Variants in SLC5A11 observed in about 807,000 individuals in gnomAD.
SLC5A11 encodes the protein sodium/myo-inositol cotransporter 2.
SLC5A11 carries 48 observed loss-of-function variants against 69.8 expected under a neutral mutation model. The ratio of observed to expected loss-of-function variants is 0.69; its 90% CI spans 0.55 to 0.87. The LOEUF (loss-of-function observed/expected upper bound fraction) is 0.87. Among genes scored for constraint, SLC5A11 ranks in the 40% least tolerant of loss-of-function variants. SLC5A11 has a pLI of 0.00. For missense variants in SLC5A11, 784 were observed against 866.1 expected, an observed-to-expected ratio of 0.91 and a Z score of 1.19; for synonymous variants, 319 against 342.4, an observed-to-expected ratio of 0.93 and a Z score of 0.75.
chr16:24,905,640 GCACACACACACACACACACACACA>G (rs56335988), intron 10 of SLC5A11, among the ~76,000 whole-genome samples: 2 of 136,698 alleles, frequency 1.5e-5, no homozygotes, highest in African/African-American at 5.6e-5. Flanking sequence ...GCGCGCGCGC[GCACACACACACACACACACACACA>G]CACACACACA....
chr16:24,879,136 G>T (rs1450059973), intron 7 of SLC5A11, among the ~76,000 whole-genome samples: 1 of 151,336 alleles, frequency 6.6e-6, no homozygotes, highest in Admixed American at 6.6e-5. Flanking sequence ...GGTTTTTTTT[G>T]GTTTTTTGTT....
At chr16:24,890,189 G>A (rs1440799500) in intron 8 of SLC5A11, among the ~76,000 whole-genome samples, 2 of 151,870 alleles carry the variant, frequency 1.3e-5, no homozygotes, top group Non-Finnish European at 2.9e-5. Context: ...TTTTAGGGAG[G>A]TAGTAAATTA....
At chr16:24,905,634 G>A (rs945579338) in intron 10 of SLC5A11, among the ~76,000 whole-genome samples, 6 of 76,840 alleles carry the variant, frequency 7.8e-5, no homozygotes, top group East Asian at 2.3e-4. Flanking sequence ...AAACACGCGC[G>A]CGCGCGCACA....
intron 14 of SLC5A11, 39 bp from the exon 16 acceptor site, chr16:24,910,267 C>A: frequency 1.2e-6 from 2 of 1,603,248 alleles, no homozygotes; most frequent in East Asian, 2.2e-5. Context: ...CCCGGCCCCA[C>A]CTCCACCACA....
chr16:24,852,964 C>A (rs111597373), intron 1 of SLC5A11, among the ~76,000 whole-genome samples: 2 of 149,812 alleles, frequency 1.3e-5, no homozygotes, highest in African/African-American at 4.9e-5. Context: ...GCATGGCACA[C>A]AGCTGGTGCC....
chr16:24,852,600 G>A (rs1232712642), intron 1 of SLC5A11, among the ~76,000 whole-genome samples: 4 of 152,178 alleles, frequency 2.6e-5, no homozygotes, highest in Non-Finnish European at 5.9e-5. Flanking sequence ...TCCTGAGGCA[G>A]CCTGGGAGCC....
At chr16:24,860,011 C>T (rs186742718) in intron 2 of SLC5A11, among the ~76,000 whole-genome samples, 114 of 152,098 alleles carry the variant, frequency 7.5e-4, no homozygotes, top group African/African-American at 2.5e-3. Context: ...TTAGGCCAGG[C>T]GCGGTGGCTC....
chr16:24,867,676 AGG>A (rs927465394), intron 3 of SLC5A11, among the ~76,000 whole-genome samples: 2 of 152,160 alleles, frequency 1.3e-5, no homozygotes, highest in African/African-American at 4.8e-5. Context: ...GAAATGAAAA[AGG>A]GGGAATTTCC....
intron 10 of SLC5A11, among the ~76,000 whole-genome samples, chr16:24,898,777 C>T (rs1367694765): frequency 6.6e-6 from 1 of 152,150 alleles, no homozygotes; most frequent in Non-Finnish European, 1.5e-5. Flanking sequence ...CTTGGCCTCC[C>T]AAAGTGCTGG....
chr16:24,850,475 G>C (rs2059252481), intron 1 of SLC5A11, among the ~76,000 whole-genome samples: 1 of 152,252 alleles, frequency 6.6e-6, no homozygotes, highest in South Asian at 2.1e-4. Context: ...TTGCTGCAGT[G>C]CAGCAGGCAG....
chr16:24,876,762 G>A (rs996466190), intron 6 of SLC5A11, among the ~76,000 whole-genome samples: 1 of 152,146 alleles, frequency 6.6e-6, no homozygotes, highest in Non-Finnish European at 1.5e-5. Context: ...TAGAGAAAGG[G>A]GATTGGCCCT....
At chr16:24,905,380 T>C (rs2049957724) in intron 10 of SLC5A11, among the ~76,000 whole-genome samples, 1 of 150,902 alleles carries the variant, frequency 6.6e-6, no homozygotes, top group South Asian at 2.1e-4. Context: ...GAAGAGGAAG[T>C]TGCAGTGAGC....
At position 24,876,253 on chromosome 16, in the gene SLC5A11, G is replaced by A. The variant is rs1487185036; in HGVS notation, c.477+522G>A. Among the ~76,000 whole-genome samples, 7 of 152,042 alleles carry A rather than the reference G, an allele frequency of 4.6e-5. No individual in the cohort carries two copies. In the East Asian group the frequency reaches 1.4e-3, roughly 29 times the overall value. On this transcript the variant is annotated intron_variant, in intron 6 of 15. Coordinates refer to ENST00000347898, the Ensembl canonical transcript of SLC5A11. The stretch of plus-strand genomic sequence containing the variant: ...GGGAGAAAAGGTAGAGGAAAGGAGG[G>A]AAGGACTTTCTCTCCTACTCCTGCC...
At chr16:24,854,265 C>T (rs1055882142) in intron 1 of SLC5A11, among the ~76,000 whole-genome samples, 1 of 152,142 alleles carries the variant, frequency 6.6e-6, no homozygotes, top group South Asian at 2.1e-4. Context: ...CTTTTCTACT[C>T]CTCATCTTTC....
At chr16:24,852,130 G>T (rs1024760321) in intron 1 of SLC5A11, among the ~76,000 whole-genome samples, 7 of 152,050 alleles carry the variant, frequency 4.6e-5, no homozygotes, top group Admixed American at 1.3e-4. Flanking sequence ...GCTATAAATT[G>T]TGCTCTGTTT....
intron 1 of SLC5A11, among the ~76,000 whole-genome samples, chr16:24,849,245 G>A (rs1428963358): frequency 2.0e-5 from 3 of 152,074 alleles, no homozygotes; most frequent in Non-Finnish European, 2.9e-5. Flanking sequence ...TCTGTAACTC[G>A]CACGTGTGAA....
At chr16:24,908,209 G>A in intron 13 of SLC5A11, 78 bp downstream of exon 14, 1 of 1,466,742 alleles carries the variant, frequency 6.8e-7, no homozygotes, top group Non-Finnish European at 9.1e-7. Context: ...AGGGGAGGGT[G>A]TTGGAGGGAG....
intron 10 of SLC5A11, 113 bp downstream of exon 11, chr16:24,898,222 CT>C: frequency 7.4e-7 from 1 of 1,347,658 alleles, no homozygotes. Flanking sequence ...TCCTTTCTCT[CT>C]TTTTCTAAGA....
intron 5 of SLC5A11, among the ~76,000 whole-genome samples, chr16:24,874,354 G>A (rs2047529678): frequency 6.6e-6 from 1 of 152,118 alleles, no homozygotes; most frequent in Non-Finnish European, 1.5e-5. Flanking sequence ...CCTCTAAGTG[G>A]AATTTCTAGG....
Sources: gnomAD v4.1 joint callset for allele counts (sites outside exome capture counted in the v4.1 genomes callset) on GRCh38, gnomAD v4.1.1 for gene constraint, MANE v1.5 for transcripts, NCBI Gene and HGNC (gene_info 2026-07-23, HGNC 2026-07-21) for gene names.